Variants in CHSY3 observed in about 807,000 individuals in gnomAD.
CHSY3 encodes the protein N-acetylgalactosaminyl-proteoglycan 3-beta-glucuronosyltransferase 3.
Under a neutral mutation model 67.2 loss-of-function variants are expected in CHSY3, and 35 were observed. The ratio of observed to expected loss-of-function variants is 0.52; its 90% CI spans 0.40 to 0.69. The LOEUF (loss-of-function observed/expected upper bound fraction) is 0.69, where lower values mean the gene tolerates loss of function less well. Among genes scored for constraint, CHSY3 ranks in the 30% least tolerant of loss-of-function variants. The pLI is 0.00. For synonymous variants in CHSY3, 474 were observed against 434.7 expected (o/e 1.09, Z -1.12); for missense variants, 1,069 against 1,138.5 (o/e 0.94, Z 0.88).
intron 2 of CHSY3, among the ~76,000 whole-genome samples, chr5:130,108,534 A>C (rs903701869): frequency 2.6e-5 from 4 of 151,730 alleles, no homozygotes; most frequent in African/African-American, 9.7e-5. Flanking sequence ...AATGGTAGAA[A>C]AATGCAAAAC....
Position 130,185,806 on chromosome 5 carries a change from C to T in CHSY3, c.*15C>T, listed in dbSNP as rs1464495184. The T allele has an allele frequency of 4.0e-6, 6 of 1,514,646 alleles. No individual in the cohort carries two copies. Among genetic ancestry groups the T allele is most frequent in the Middle Eastern group, 1.8e-4 (1 of 5,610 alleles). The allele number at this position is 1,514,646 out of a possible 1,614,324, so 93.8% of individuals were successfully genotyped here. ...CTCTCTCCTGACAGTCCAGGCAACA[C>T]ATTTTGCCTTTTTTAAGGGGAGTTT... On this transcript the variant is annotated 3_prime_UTR_variant, in exon 3 of 3. Coordinates refer to ENST00000305031, the MANE Select transcript of CHSY3 (RefSeq NM_175856.5).
chr5:129,919,055 C>T (rs1183405558), intron 2 of CHSY3, among the ~76,000 whole-genome samples: 1 of 120,254 alleles, frequency 8.3e-6, no homozygotes, highest in Non-Finnish European at 1.6e-5. Context: ...TGCCGTGAGC[C>T]GAGATTGCGC....
chr5:130,094,666 T>C (rs1242055408), intron 2 of CHSY3, among the ~76,000 whole-genome samples: 1 of 152,078 alleles, frequency 6.6e-6, no homozygotes, highest in Non-Finnish European at 1.5e-5. Flanking sequence ...AAAAAGTGAA[T>C]GTTTTTCTTC....
At chr5:129,950,106 T>G (rs1171875876) in intron 2 of CHSY3, among the ~76,000 whole-genome samples, 1 of 150,454 alleles carries the variant, frequency 6.6e-6, no homozygotes, top group Non-Finnish European at 1.5e-5. Flanking sequence ...AGGCAGAGGT[T>G]GCAGTGAGCT....
chr5:130,020,441 ATATATATATATATATATATAT>A lies in CHSY3; in HGVS notation c.1086+112083_1086+112103del, dbSNP rs1416076004. On this transcript the variant is annotated intron_variant, in intron 2 of 2. Transcript: ENST00000305031. ...TCTCAAAATATATATATATATATAT[ATATATATATATATATATATAT>A]TTTTTTTTTTTTTTTTTCCTCTGGC... is the stretch of plus-strand genomic sequence containing the variant. Among the ~76,000 whole-genome samples, 60 of 13,198 alleles carry A rather than the reference ATATATATATATATATATATAT, an allele frequency of 4.5e-3. 3 individuals are homozygous for A. The highest frequency in any genetic ancestry group is 0.013 in the African/African-American group (51 of 4,066). 8.7% of individuals were successfully genotyped at this position (13,198 alleles called of 152,430 possible). A position where few individuals can be genotyped will look rare whatever the true frequency, so the allele number is the denominator to read the frequency against.
Position 129,906,805 on chromosome 5 carries a change from C to T in CHSY3, c.802+1174C>T, listed in dbSNP as rs142094003. On this transcript the variant is annotated intron_variant, in intron 1 of 2. Coordinates refer to ENST00000305031, the MANE Select transcript of CHSY3 (RefSeq NM_175856.5). ...TCTACTCGTAGCCTCATTGCTTCCT[C>T]CTGATTCGGATAGTACTTTTCACAT... Among the ~76,000 whole-genome samples, 754 of 152,310 alleles carry T rather than the reference C, an allele frequency of 5.0e-3. 7 individuals carry two copies. Among genetic ancestry groups the T allele is most frequent in the African/African-American group, 0.017 (715 of 41,564 alleles).
chr5:129,925,325 GC>G (rs1315290147), intron 2 of CHSY3, among the ~76,000 whole-genome samples: 1 of 152,154 alleles, frequency 6.6e-6, no homozygotes, highest in Non-Finnish European at 1.5e-5. Context: ...TTCCAGAGAG[GC>G]AGGAGCCAGA....
chr5:129,999,082 AT>A lies in CHSY3; in HGVS notation c.1086+90729del, dbSNP rs529776651. Among the ~76,000 whole-genome samples the A allele has an allele frequency of 4.1e-3, 608 of 147,514 alleles. 6 individuals carry two copies. The highest frequency in any genetic ancestry group is 0.013 in the African/African-American group (541 of 40,296). On this transcript the variant is annotated intron_variant, in intron 2 of 2. Coordinates refer to ENST00000305031, the MANE Select transcript of CHSY3 (RefSeq NM_175856.5). ...TTAAAACCCTGATCCATCTGGAATT[AT>A]TTTTTTGGAAGAGTGAAATACAGAT...
intron 2 of CHSY3, among the ~76,000 whole-genome samples, chr5:129,983,000 A>T (rs1319077361): frequency 6.6e-6 from 1 of 151,994 alleles, no homozygotes; most frequent in Non-Finnish European, 1.5e-5. Context: ...TATGTTTGGG[A>T]TTTAATCTTA....
At chr5:130,104,703 T>C (rs918504679) in intron 2 of CHSY3, among the ~76,000 whole-genome samples, 1 of 151,782 alleles carries the variant, frequency 6.6e-6, no homozygotes, top group East Asian at 1.9e-4. Flanking sequence ...TGTTAATGTT[T>C]CGACTTGTTA....
intron 2 of CHSY3, among the ~76,000 whole-genome samples, chr5:130,174,087 G>A (rs944199282): frequency 2.0e-5 from 3 of 151,924 alleles, no homozygotes; most frequent in African/African-American, 7.2e-5. Context: ...TATTTGCAAA[G>A]CAAATTACTG....
At chr5:130,101,222 G>A (rs760576642) in intron 2 of CHSY3, among the ~76,000 whole-genome samples, 64 of 152,110 alleles carry the variant, frequency 4.2e-4, no homozygotes, top group Middle Eastern at 6.8e-3. Flanking sequence ...TGTTGTTTTT[G>A]TATTAATTTA....
intron 2 of CHSY3, among the ~76,000 whole-genome samples, chr5:129,930,804 AAGG>A (rs901755627): frequency 3.9e-5 from 6 of 152,170 alleles, no homozygotes; most frequent in Non-Finnish European, 5.9e-5. Context: ...GAAAAGTATG[AAGG>A]AGAATACTCT....
intron 2 of CHSY3, among the ~76,000 whole-genome samples, chr5:130,070,325 G>T (rs1766018920): frequency 6.6e-6 from 1 of 152,062 alleles, no homozygotes; most frequent in Non-Finnish European, 1.5e-5. Context: ...CAAGCAATTT[G>T]AGTTTTTCCC....
intron 2 of CHSY3, among the ~76,000 whole-genome samples, chr5:130,094,047 TTTG>T (rs1449512836): frequency 6.6e-6 from 1 of 152,152 alleles, no homozygotes; most frequent in East Asian, 1.9e-4. Flanking sequence ...GCATGAGCCA[TTTG>T]TTGTCAGCAC....
chr5:130,138,500 G>A (rs1348605715), intron 2 of CHSY3, among the ~76,000 whole-genome samples: 2 of 152,206 alleles, frequency 1.3e-5, no homozygotes, highest in African/African-American at 4.8e-5. Context: ...ACTGAAGCCA[G>A]TTAAATGGCA....
chr5:130,077,843 A>G (rs1284659710), intron 2 of CHSY3, among the ~76,000 whole-genome samples: 1 of 151,972 alleles, frequency 6.6e-6, no homozygotes, highest in East Asian at 1.9e-4. Context: ...ACATTTATAT[A>G]TATTCTTTTT....
chr5:130,044,141 A>C (rs1765080000), intron 2 of CHSY3, among the ~76,000 whole-genome samples: 1 of 152,102 alleles, frequency 6.6e-6, no homozygotes, highest in Non-Finnish European at 1.5e-5. Flanking sequence ...AGAAGAAGGA[A>C]TCTACTGAAA....
At chr5:129,976,352 C>G (rs1266965989) in intron 2 of CHSY3, among the ~76,000 whole-genome samples, 1 of 152,028 alleles carries the variant, frequency 6.6e-6, no homozygotes, top group Non-Finnish European at 1.5e-5. Flanking sequence ...AATCTGAGTC[C>G]AAAGTGAAGA....
Sources: allele counts gnomAD v4.1 joint callset (sites outside exome capture counted in the v4.1 genomes callset), GRCh38; gene constraint gnomAD v4.1.1; transcripts MANE v1.5; gene names NCBI Gene and HGNC (gene_info 2026-07-23, HGNC 2026-07-21).